The following DLG2 variants were observed in gnomAD, a reference collection of about 807,000 sequenced individuals.
The protein encoded by DLG2 is disks large homolog 2.
A neutral mutation model predicts 132.5 loss-of-function variants in DLG2; 45 were observed. That is an observed-to-expected ratio of 0.34 (90% CI 0.27 to 0.44). The LOEUF (loss-of-function observed/expected upper bound fraction) is 0.44, where lower values mean the gene tolerates loss of function less well. Ranked by LOEUF, DLG2 falls within the 20% of genes least tolerant of loss-of-function variation. DLG2 has a pLI of 1.00. For synonymous variants in DLG2, 424 were observed against 419.6 expected (o/e 1.01, Z -0.13); for missense variants, 1,045 against 1,196.9 (o/e 0.87, Z 1.87).
intron 21 of DLG2, among the ~76,000 whole-genome samples, chr11:83,525,849 T>G (rs1376440940): frequency 6.6e-6 from 1 of 152,230 alleles, no homozygotes. Flanking sequence ...TCAATCCCTA[T>G]AACTCACTCT....
At chr11:84,645,094 A>G (rs1425558053) in intron 6 of DLG2, among the ~76,000 whole-genome samples, 1 of 152,160 alleles carries the variant, frequency 6.6e-6, no homozygotes, top group Non-Finnish European at 1.5e-5. Context: ...AGGCACTCCT[A>G]CTTTCAAAAT....
intron 11 of DLG2, among the ~76,000 whole-genome samples, chr11:83,992,688 A>G (rs1307080117): frequency 2.0e-5 from 3 of 152,154 alleles, no homozygotes; most frequent in Admixed American, 6.6e-5. Context: ...TTGGATATCA[A>G]GAAATATCCA....
At chr11:84,200,260 G>A (rs867496877) in intron 8 of DLG2, among the ~76,000 whole-genome samples, 2 of 152,170 alleles carry the variant, frequency 1.3e-5, no homozygotes, top group African/African-American at 4.8e-5. Flanking sequence ...AGCATTAATT[G>A]CCAGCATGTC....
chr11:84,864,070 T>C (rs955015769), intron 6 of DLG2, among the ~76,000 whole-genome samples: 2 of 152,092 alleles, frequency 1.3e-5, no homozygotes, highest in Admixed American at 6.5e-5. Flanking sequence ...TGGAGAGGAA[T>C]ATATTGGACA....
chr11:85,297,972 C>T (rs921587708), intron 3 of DLG2, among the ~76,000 whole-genome samples: 5 of 152,036 alleles, frequency 3.3e-5, no homozygotes, highest in Non-Finnish European at 7.4e-5. Context: ...GAGGAGGGCG[C>T]CCATGTGATG....
intron 6 of DLG2, among the ~76,000 whole-genome samples, chr11:84,547,633 C>A (rs1169157650): frequency 1.3e-5 from 2 of 152,160 alleles, no homozygotes; most frequent in South Asian, 4.1e-4. Flanking sequence ...TAAATGATAT[C>A]TTTCCAGATG....
intron 3 of DLG2, among the ~76,000 whole-genome samples, chr11:85,396,817 G>A (rs116571839): frequency 1.3e-5 from 2 of 152,222 alleles, no homozygotes; most frequent in Non-Finnish European, 2.9e-5. Flanking sequence ...GTACTGGAAA[G>A]TGATGCGGAG....
chr11:83,956,076 C>T (rs11233855), intron 14 of DLG2, among the ~76,000 whole-genome samples: 99 of 152,142 alleles, frequency 6.5e-4, no homozygotes, highest in African/African-American at 2.0e-3. Context: ...ATTCCTCCAG[C>T]GAACCCTGAC....
At chr11:84,240,603 T>G (rs7103429) in intron 8 of DLG2, among the ~76,000 whole-genome samples, 16 of 152,000 alleles carry the variant, frequency 1.1e-4, no homozygotes, top group African/African-American at 3.4e-4. Flanking sequence ...CCTGGAGGGA[T>G]TGATGGAGGC....
At chr11:83,669,422 T>A (rs1258313327) in intron 18 of DLG2, among the ~76,000 whole-genome samples, 1 of 152,352 alleles carries the variant, frequency 6.6e-6, no homozygotes, top group East Asian at 1.9e-4. Context: ...TATAGATGTA[T>A]GTATTTCTGT....
chr11:83,519,952 C>A (rs2095421461), intron 21 of DLG2, among the ~76,000 whole-genome samples: 1 of 152,128 alleles, frequency 6.6e-6, no homozygotes, highest in Non-Finnish European at 1.5e-5. Context: ...TAAGGAGTGA[C>A]CAGGTTTGTC....
intron 8 of DLG2, among the ~76,000 whole-genome samples, chr11:84,218,754 T>G (rs1250855755): frequency 6.6e-6 from 1 of 152,210 alleles, no homozygotes; most frequent in Non-Finnish European, 1.5e-5. Context: ...TGGCAATGTC[T>G]GTAAATATTT....
chr11:84,708,496 C>A (rs1469315092), intron 6 of DLG2, among the ~76,000 whole-genome samples: 7 of 151,798 alleles, frequency 4.6e-5, no homozygotes, highest in African/African-American at 1.7e-4. Context: ...AACAAAGGTG[C>A]AGTTTGCATA....
chr11:84,280,207 T>A (rs1418545885), intron 7 of DLG2, among the ~76,000 whole-genome samples: 1 of 152,216 alleles, frequency 6.6e-6, no homozygotes, highest in Non-Finnish European at 1.5e-5. Context: ...AGATCAATTG[T>A]GTCTCTATAT....
At chr11:84,885,668 T>C (rs1047015740) in intron 6 of DLG2, among the ~76,000 whole-genome samples, 36 of 152,104 alleles carry the variant, frequency 2.4e-4, no homozygotes, top group African/African-American at 8.4e-4. Context: ...ACCCATCTCA[T>C]AGGATAAATG....
At chr11:84,003,812 C>T (rs1258294644) in intron 11 of DLG2, among the ~76,000 whole-genome samples, 2 of 151,906 alleles carry the variant, frequency 1.3e-5, no homozygotes, top group East Asian at 3.9e-4. Context: ...CTATTAGGAA[C>T]AACTATGTGA....
intron 4 of DLG2, among the ~76,000 whole-genome samples, chr11:85,180,090 T>C (rs2079587059): frequency 6.6e-6 from 1 of 151,934 alleles, no homozygotes; most frequent in South Asian, 2.1e-4. Flanking sequence ...TTAAATATTA[T>C]ACTCTAGAAG....
At chr11:83,989,274 G>A (rs577031399) in intron 11 of DLG2, among the ~76,000 whole-genome samples, 1 of 152,230 alleles carries the variant, frequency 6.6e-6, no homozygotes, top group African/African-American at 2.4e-5. Context: ...CAGGCAATGG[G>A]ACAACAGCAG....
intron 7 of DLG2, among the ~76,000 whole-genome samples, chr11:84,522,932 G>C (rs1591505188): frequency 2.0e-5 from 3 of 152,038 alleles, no homozygotes. Context: ...GTAAATTCTT[G>C]TTTGGACCAC....
Sources: gnomAD v4.1 joint callset for allele counts (sites outside exome capture counted in the v4.1 genomes callset) on GRCh38, gnomAD v4.1.1 for gene constraint, MANE v1.5 for transcripts, NCBI Gene and HGNC (gene_info 2026-07-23, HGNC 2026-07-21) for gene names.